EXT1: variants seen among roughly 807,000 people sequenced by gnomAD.
EXT1 encodes the protein exostosin-1.
In EXT1, 20 loss-of-function variants were observed where a neutral mutation model predicts 82.5. The ratio of observed to expected loss-of-function variants is 0.24; its 90% CI spans 0.17 to 0.35. EXT1 has a LOEUF of 0.35. Among genes scored for constraint, EXT1 ranks in the 10% least tolerant of loss-of-function variants. The pLI is 1.00. For synonymous variants in EXT1, 348 were observed against 350.8 expected (o/e 0.99, Z 0.09); for missense variants, 757 against 936.5 (o/e 0.81, Z 2.50).
intron 1 of EXT1, among the ~76,000 whole-genome samples, chr8:118,065,467 G>GAAC (rs1467571402): frequency 1.3e-5 from 2 of 152,078 alleles, no homozygotes; most frequent in Non-Finnish European, 2.9e-5. Flanking sequence ...GAAAAACCAG[G>GAAC]AACACCATGA....
At chr8:117,968,702 T>C (rs1214867762) in intron 1 of EXT1, among the ~76,000 whole-genome samples, 1 of 103,496 alleles carries the variant, frequency 9.7e-6, no homozygotes, top group Admixed American at 9.7e-5. Context: ...CCCGAGTAGC[T>C]GGGACTATAG....
At chr8:117,976,496 CAAGTTACAG>C (rs1815068390) in intron 1 of EXT1, among the ~76,000 whole-genome samples, 1 of 152,152 alleles carries the variant, frequency 6.6e-6, no homozygotes, top group African/African-American at 2.4e-5. Context: ...GACATAATGG[CAAGTTACAG>C]AAGTTACAGA....
At chr8:118,032,130 G>A (rs1816335714) in intron 1 of EXT1, among the ~76,000 whole-genome samples, 1 of 137,620 alleles carries the variant, frequency 7.3e-6, no homozygotes, top group South Asian at 2.7e-4. Context: ...TTACTCAATG[G>A]CCAAAACCGC....
chr8:117,929,787 C>T (rs982045840), intron 1 of EXT1, among the ~76,000 whole-genome samples: 1 of 152,204 alleles, frequency 6.6e-6, no homozygotes, highest in East Asian at 1.9e-4. Context: ...TCAATATGGG[C>T]ATCTATCTGT....
intron 5 of EXT1, 50 bp from the exon 6 acceptor site, chr8:117,819,844 T>G (rs1459602977): frequency 6.5e-7 from 1 of 1,543,638 alleles, no homozygotes; most frequent in Admixed American, 1.7e-5. Context: ...AAAGCAAGAC[T>G]TAGAAAATTA....
chr8:117,964,856 T>C lies in EXT1; in HGVS notation c.963-127655A>G, dbSNP rs531682681. On this transcript the variant is annotated intron_variant, in intron 1 of 10. Coordinates refer to ENST00000378204, the MANE Select transcript of EXT1 (RefSeq NM_000127.3). The stretch of plus-strand genomic sequence containing the variant: ...TTTCCCTATAGTGGCCAGGCTGGTG[T>C]TGAACTCCTGACCTCGGGTGATCTG... Among the ~76,000 whole-genome samples, 7 of 152,216 alleles carry C rather than the reference T, an allele frequency of 4.6e-5. No homozygotes were observed. In the South Asian group the frequency reaches 1.2e-3, roughly 27 times the overall value.
At chr8:117,944,145 T>C (rs972394555) in intron 1 of EXT1, among the ~76,000 whole-genome samples, 2 of 152,216 alleles carry the variant, frequency 1.3e-5, no homozygotes, top group South Asian at 2.1e-4. Context: ...CTCATGCCTG[T>C]AATCCCAGCA....
In EXT1 at chr8:118,051,125, C is replaced by T. The variant is rs565116835; in HGVS notation, c.962+58960G>A. On this transcript the variant is annotated intron_variant, in intron 1 of 10. Coordinates refer to ENST00000378204, the MANE Select transcript of EXT1 (RefSeq NM_000127.3). Reference sequence around the variant, plus strand: ...CCGAGGTGGGTGGATCACTTGAGCCCAGGAGTTTGAGACCAGCCTGGCCAA... The same window carrying T: ...CCGAGGTGGGTGGATCACTTGAGCCTAGGAGTTTGAGACCAGCCTGGCCAA... 2.0e-3 allele frequency among the ~76,000 whole-genome samples: 300 copies of T among 152,244 alleles called. 1 individual carries two copies. Among genetic ancestry groups the T allele is most frequent in the African/African-American group, 6.8e-3 (284 of 41,546 alleles).
At chr8:117,908,937 A>C (rs936236827) in intron 1 of EXT1, among the ~76,000 whole-genome samples, 1 of 151,970 alleles carries the variant, frequency 6.6e-6, no homozygotes, top group Non-Finnish European at 1.5e-5. Context: ...CAGCCTGGGC[A>C]ACATGGTGAA....
chr8:118,023,546 A>C (rs1295675806), intron 1 of EXT1, among the ~76,000 whole-genome samples: 1 of 152,210 alleles, frequency 6.6e-6, no homozygotes, highest in East Asian at 1.9e-4. Context: ...GCAGGCTCTC[A>C]GGCTACTAGG....
chr8:118,061,939 T>A (rs1215915053), intron 1 of EXT1, among the ~76,000 whole-genome samples: 1 of 151,842 alleles, frequency 6.6e-6, no homozygotes, highest in Non-Finnish European at 1.5e-5. Flanking sequence ...AATGACAAGA[T>A]GCTTTGACTG....
At chr8:118,024,537 A>G (rs1011783695) in intron 1 of EXT1, among the ~76,000 whole-genome samples, 1 of 152,224 alleles carries the variant, frequency 6.6e-6, no homozygotes, top group African/African-American at 2.4e-5. Context: ...AAAGAAAAAA[A>G]AAAACAGCTT....
Position 118,035,601 on chromosome 8 carries a change from C to T in EXT1, c.962+74484G>A, listed in dbSNP as rs191609870. 2.6e-3 allele frequency among the ~76,000 whole-genome samples: 396 copies of T among 152,098 alleles called. 2 individuals carry two copies. Among genetic ancestry groups the T allele is most frequent in the African/African-American group, 9.3e-3 (384 of 41,498 alleles). On this transcript the variant is annotated intron_variant, in intron 1 of 10. Coordinates refer to ENST00000378204, the MANE Select transcript of EXT1 (RefSeq NM_000127.3). ...TAAGTTCTATAACTCAATTCAAACA[C>T]ACACACACACACACACCCCATCCAA...
chr8:117,963,616 A>C (rs1814747700), intron 1 of EXT1, among the ~76,000 whole-genome samples: 1 of 151,804 alleles, frequency 6.6e-6, no homozygotes. Context: ...TCCGCCTCCT[A>C]AATAGCTGGG....
intron 1 of EXT1, among the ~76,000 whole-genome samples, chr8:117,885,470 T>C (rs1332195731): frequency 1.1e-4 from 15 of 141,226 alleles, no homozygotes; most frequent in Admixed American, 7.3e-4. Flanking sequence ...GATTTTTTTT[T>C]CCCTGAAAAT....
At position 118,066,935 on chromosome 8, in the gene EXT1, G is replaced by A. The variant is rs151260314; in HGVS notation, c.962+43150C>T. ...AAAATTAAAAGCTAATATTATAGATGTTTTGCTACCCAATATGTGCTTAAC... is the reference window on the plus strand; with the variant it reads ...AAAATTAAAAGCTAATATTATAGATATTTTGCTACCCAATATGTGCTTAAC... On this transcript the variant is annotated intron_variant, in intron 1 of 10. Coordinates refer to ENST00000378204, the MANE Select transcript of EXT1 (RefSeq NM_000127.3). Among the ~76,000 whole-genome samples the A allele has an allele frequency of 1.9e-3, 292 of 152,294 alleles. 1 individual carries two copies. Among genetic ancestry groups the A allele is most frequent in the Non-Finnish European group, 3.6e-3 (248 of 68,018 alleles).
intron 1 of EXT1, among the ~76,000 whole-genome samples, chr8:118,022,050 G>A (rs1485030511): frequency 6.6e-6 from 1 of 151,932 alleles, no homozygotes; most frequent in East Asian, 1.9e-4. Flanking sequence ...ACCTATTTTG[G>A]TCAATGCGTA....
chr8:117,917,711 C>T (rs1220059130), intron 1 of EXT1, among the ~76,000 whole-genome samples: 1 of 152,120 alleles, frequency 6.6e-6, no homozygotes, highest in Admixed American at 6.5e-5. Context: ...GTAGAATGGT[C>T]TCCACTGTAG....
intron 1 of EXT1, among the ~76,000 whole-genome samples, chr8:117,979,215 C>T (rs113300466): frequency 9.1e-4 from 138 of 151,818 alleles, no homozygotes; most frequent in African/African-American, 2.6e-3. Flanking sequence ...TGGCCGGGCA[C>T]TGGGGGGGTG....
Sources: gnomAD v4.1 joint callset for allele counts (sites outside exome capture counted in the v4.1 genomes callset) on GRCh38, gnomAD v4.1.1 for gene constraint, MANE v1.5 for transcripts, NCBI Gene and HGNC (gene_info 2026-07-23, HGNC 2026-07-21) for gene names.